The following IMPG1 variants were observed in gnomAD, a reference collection of about 807,000 sequenced individuals.
IMPG1 encodes interphotoreceptor matrix proteoglycan of 150 kDa.
A neutral mutation model predicts 92.0 loss-of-function variants in IMPG1; 85 were observed. The observed-to-expected ratio is 0.92, with a 90% CI of 0.78 to 1.11. IMPG1 has a LOEUF of 1.11. Among genes scored for constraint, IMPG1 ranks in the 50% least tolerant of loss-of-function variants. IMPG1 has a pLI of 0.00. For synonymous variants in IMPG1, 367 were observed against 334.1 expected, an observed-to-expected ratio of 1.10 and a Z score of -1.08; for missense variants, 1,022 against 956.0, an observed-to-expected ratio of 1.07 and a Z score of -0.91.
chr6:75,970,250 C>A (rs575297843), intron 12 of IMPG1, among the ~76,000 whole-genome samples: 3 of 151,978 alleles, frequency 2.0e-5, no homozygotes, highest in South Asian at 4.2e-4. Flanking sequence ...GATTAAAATG[C>A]GTAATTAAGA....
rs200651043 is a variant in IMPG1, at chr6:76,042,019, G to A, written c.175C>T (p.Arg59Ter). ...EKMYKMSTMR[R>*]IFDLAKHRTK... ...CGATGCTTTGCCAAATCGAATATTC[G>A]TCTCATAGTTGACATTTTGTACATT... The change falls in exon 2 of 17, where the codon CGA becomes TGA. Residue 59 changes from arginine to a stop codon, truncating the protein, a stop_gained. Coordinates refer to ENST00000369950, the MANE Select transcript of IMPG1 (RefSeq NM_001563.4). LOFTEE classifies it high-confidence loss of function. The A allele has an allele frequency of 5.2e-5, 84 of 1,612,214 alleles. No individual in the cohort carries two copies. Among genetic ancestry groups the A allele is most frequent in the Non-Finnish European group, 6.8e-5 (80 of 1,178,384 alleles).
At chr6:76,018,955 A>G in intron 6 of IMPG1, 97 bp from the exon 7 acceptor site, 3 of 1,129,646 alleles carry the variant, frequency 2.7e-6, no homozygotes, top group Non-Finnish European at 3.6e-6. Flanking sequence ...CAAGAAGTGG[A>G]TTATGAAGGC....
intron 7 of IMPG1, among the ~76,000 whole-genome samples, chr6:76,012,715 C>T (rs529616804): frequency 3.9e-5 from 6 of 152,268 alleles, no homozygotes; most frequent in African/African-American, 9.6e-5. Flanking sequence ...TCCTTGTCCC[C>T]GGGGGATATC....
At chr6:75,924,121 G>T (rs1291539606) in intron 15 of IMPG1, among the ~76,000 whole-genome samples, 1 of 151,712 alleles carries the variant, frequency 6.6e-6, no homozygotes, top group Non-Finnish European at 1.5e-5. Flanking sequence ...GTGGAGAAAA[G>T]GGAACCTTTA....
At chr6:75,980,551 C>T (rs1782609893) in intron 12 of IMPG1, among the ~76,000 whole-genome samples, 1 of 152,184 alleles carries the variant, frequency 6.6e-6, no homozygotes, top group Non-Finnish European at 1.5e-5. Context: ...ATAAAGCAGG[C>T]AGAAGAAGGT....
intron 7 of IMPG1, among the ~76,000 whole-genome samples, chr6:76,011,742 C>A (rs1332241192): frequency 1.6e-5 from 2 of 121,388 alleles, no homozygotes; most frequent in Non-Finnish European, 3.4e-5. Flanking sequence ...CCCCTCCCCC[C>A]TCCCCACCAC....
chr6:76,002,737 G>A (rs1281472555), intron 12 of IMPG1, among the ~76,000 whole-genome samples, 181 bp downstream of exon 12: 31 of 152,244 alleles, frequency 2.0e-4, no homozygotes, highest in Admixed American at 2.0e-3. Flanking sequence ...GGATGCTGTG[G>A]ATGTCCTCCT....
chr6:75,950,586 A>C lies in IMPG1; in HGVS notation c.1800T>G (p.Ala600=). ...CCAGCTGTGTGAATTGTTGCTCCAG[A>C]GCTCGGTACTCCAGAGAGCTCTTGT... ...LFNKSSLEYR[A]LEQQFTQLLV... is the part of the protein sequence containing the mutation. Residue 600 remains alanine (A), a synonymous_variant, in exon 13 of 17, where the codon GCT becomes GCG. Coordinates refer to ENST00000369950, the MANE Select transcript of IMPG1 (RefSeq NM_001563.4). 1 of 1,611,492 alleles carries C rather than the reference A, an allele frequency of 6.2e-7. No individual in the cohort carries two copies. The highest frequency in any genetic ancestry group is 8.5e-7 in the Non-Finnish European group (1 of 1,178,678).
At chr6:75,972,238 AC>A (rs1782433946) in intron 12 of IMPG1, among the ~76,000 whole-genome samples, 1 of 152,202 alleles carries the variant, frequency 6.6e-6, no homozygotes, top group South Asian at 2.1e-4. Flanking sequence ...TACTGTAGGA[AC>A]CAAAAAGTGC....
At chr6:75,954,790 A>G (rs1782089682) in intron 12 of IMPG1, among the ~76,000 whole-genome samples, 1 of 152,186 alleles carries the variant, frequency 6.6e-6, no homozygotes, top group African/African-American at 2.4e-5. Context: ...TAATTTTTGT[A>G]TAAGGTATAA....
chr6:76,036,175 A>G (rs1476641423), intron 2 of IMPG1, among the ~76,000 whole-genome samples: 1 of 152,222 alleles, frequency 6.6e-6, no homozygotes, highest in Non-Finnish European at 1.5e-5. Context: ...AACTGAAACT[A>G]AGTAAAATAA....
intron 1 of IMPG1, among the ~76,000 whole-genome samples, chr6:76,062,054 G>T (rs941187026): frequency 4.6e-5 from 7 of 152,088 alleles, no homozygotes; most frequent in Non-Finnish European, 8.8e-5. Context: ...TCTGTATCTA[G>T]CACAGTATTG....
At chr6:76,029,823 A>G (rs915046325) in intron 4 of IMPG1, among the ~76,000 whole-genome samples, 1 of 152,214 alleles carries the variant, frequency 6.6e-6, no homozygotes, top group South Asian at 2.1e-4. Flanking sequence ...GCTACCAGTT[A>G]TCTTGGTGTG....
chr6:76,041,101 G>A (rs1783829622), intron 2 of IMPG1, among the ~76,000 whole-genome samples: 1 of 152,160 alleles, frequency 6.6e-6, no homozygotes, highest in South Asian at 2.1e-4. Context: ...ATTATTTGGA[G>A]CCACCTGGGG....
chr6:76,011,474 A>T (rs1383791640), intron 7 of IMPG1, among the ~76,000 whole-genome samples: 1 of 152,166 alleles, frequency 6.6e-6, no homozygotes, highest in Non-Finnish European at 1.5e-5. Context: ...ATTTATTTAA[A>T]AGCTGTAACT....
intron 2 of IMPG1, 123 bp downstream of exon 2, chr6:76,041,770 T>G: frequency 3.0e-6 from 2 of 658,240 alleles, no homozygotes; most frequent in Non-Finnish European, 5.4e-6. Flanking sequence ...ACTAGGTTGA[T>G]TTTTATAATT....
At chr6:76,030,462 T>TA (rs528029391) in intron 4 of IMPG1, among the ~76,000 whole-genome samples, 5 of 152,236 alleles carry the variant, frequency 3.3e-5, no homozygotes, top group African/African-American at 4.8e-5. Context: ...GGGAATCCTT[T>TA]AAAAAATGCC....
In IMPG1 at chr6:76,034,758, G is replaced by A. The variant is rs770801934; in HGVS notation, c.331C>T (p.Arg111Trp). 9.3e-6 allele frequency: 15 copies of A among 1,613,964 alleles called. No individual in the cohort carries two copies. Among genetic ancestry groups the A allele is most frequent in the South Asian group, 2.2e-5 (2 of 91,076 alleles). ...TCAGGGATGCGATCCAGAAAGATCCGATATGCTTCCCATACTGCTTCCTGA... is the reference window on the plus strand; with the variant it reads ...TCAGGGATGCGATCCAGAAAGATCCAATATGCTTCCCATACTGCTTCCTGA... ...VCQEAVWEAY[R>W]IFLDRIPDTG... The change falls in exon 3 of 17, where the codon CGG (arginine) becomes TGG (tryptophan). Residue 111 changes from arginine (R) to tryptophan (W), a missense_variant. Physicochemically the swap from Arg to Trp is moderately radical, Grantham distance 101. This residue lies in a region of IMPG1 where 681 missense variants were observed against 583.6 expected (regional missense o/e 1.17). Transcript: ENST00000369950.
intron 7 of IMPG1, among the ~76,000 whole-genome samples, chr6:76,018,448 A>G (rs879789182): frequency 3.9e-5 from 6 of 152,218 alleles, no homozygotes; most frequent in Non-Finnish European, 2.9e-5. Context: ...TTTTTGGACT[A>G]TGGTTGACAG....
Sources: allele counts gnomAD v4.1 joint callset (sites outside exome capture counted in the v4.1 genomes callset), GRCh38; gene constraint gnomAD v4.1.1; regional missense constraint gnomAD v4.1.1; transcripts MANE v1.5; gene names NCBI Gene and HGNC (gene_info 2026-07-23, HGNC 2026-07-21).